SH3RF2: variants seen among roughly 807,000 people sequenced by gnomAD.
SH3RF2 encodes the protein SH3 domain containing ring finger 2.
Under a neutral mutation model 59.0 loss-of-function variants are expected in SH3RF2, and 43 were observed. The observed-to-expected ratio is 0.73, with a 90% confidence interval of 0.57 to 0.94. The LOEUF (loss-of-function observed/expected upper bound fraction) is 0.94. SH3RF2 is among the 40% of genes least tolerant of loss of function. The probability of loss-of-function intolerance (pLI) is 0.00; values close to 1 mark genes in which losing one functional copy is unlikely to be tolerated. For synonymous variants in SH3RF2, 391 were observed against 391.5 expected, an observed-to-expected ratio of 1.00 and a Z score of 0.01; for missense variants, 930 against 940.1, an observed-to-expected ratio of 0.99 and a Z score of 0.14.
intron 9 of SH3RF2, among the ~76,000 whole-genome samples, chr5:146,075,777 G>A (rs1296462619): frequency 1.8e-5 from 1 of 55,374 alleles, no homozygotes; most frequent in African/African-American, 7.5e-5. Context: ...GAAATTCCAT[G>A]TAAAAAAAAA....
In SH3RF2 at chr5:146,056,232, G is replaced by A. The variant is rs1440068626; in HGVS notation, c.1555+19G>A. The A allele has an allele frequency of 6.2e-7, 1 of 1,614,010 alleles. No individual in the cohort carries two copies. Among genetic ancestry groups the A allele is most frequent in the East Asian group, 2.2e-5 (1 of 44,904 alleles). On this transcript the variant is annotated intron_variant, in intron 8 of 9. Coordinates refer to ENST00000359120, the MANE Select transcript of SH3RF2 (RefSeq NM_152550.4). ...AGAAAGAGTAAGTGGTGGCAGAGAGGTACGTGCCTAGAGCTAAGTGATGGG... is the reference window on the plus strand; with the variant it reads ...AGAAAGAGTAAGTGGTGGCAGAGAGATACGTGCCTAGAGCTAAGTGATGGG...
chr5:145,978,509 ATACT>A (rs1358186896), intron 2 of SH3RF2, among the ~76,000 whole-genome samples: 4 of 152,202 alleles, frequency 2.6e-5, no homozygotes, highest in African/African-American at 9.7e-5. Flanking sequence ...GAAAAATGAA[ATACT>A]TAAGTTAGAA....
At position 145,938,244 on chromosome 5, in the gene SH3RF2, C is replaced by G. The variant is rs749544058; in HGVS notation, c.316C>G (p.Pro106Ala). ...LQDGRKSRTN[P>A]RRLQASPFRL... is the part of the protein sequence containing the mutation. ...GGATGGCAGGAAAAGCAGGACCAAC[C>G]CCAGACGTCTGCAGGCCAGTCCTTT... Residue 106 changes from proline (P) to alanine (A), a missense_variant, in exon 2 of 10, where the codon CCC (proline) becomes GCC (alanine). By Grantham distance (27) the Pro-to-Ala change is conservative (BLOSUM62 -1). Transcript: ENST00000359120. The G allele has an allele frequency of 2.5e-6, 4 of 1,608,450 alleles. No homozygotes were observed. Among genetic ancestry groups the G allele is most frequent in the Non-Finnish European group, 3.4e-6 (4 of 1,179,112 alleles).
At chr5:145,957,510 A>T (rs1758461203) in intron 2 of SH3RF2, among the ~76,000 whole-genome samples, 1 of 152,162 alleles carries the variant, frequency 6.6e-6, no homozygotes, top group Non-Finnish European at 1.5e-5. Context: ...AAAACCCAGC[A>T]TGCTAAGCAC....
intron 2 of SH3RF2, among the ~76,000 whole-genome samples, chr5:145,994,546 G>A (rs531475673): frequency 6.6e-6 from 1 of 152,300 alleles, no homozygotes; most frequent in South Asian, 2.1e-4. Context: ...TTCTTACATG[G>A]CAGCAGCCAG....
At chr5:145,953,591 T>G (rs1036066855) in intron 2 of SH3RF2, among the ~76,000 whole-genome samples, 2 of 152,204 alleles carry the variant, frequency 1.3e-5, no homozygotes, top group African/African-American at 2.4e-5. Flanking sequence ...GGGGTACATG[T>G]GAAGGTTTGT....
chr5:146,073,481 C>T (rs1171542951), intron 9 of SH3RF2, among the ~76,000 whole-genome samples: 3 of 152,222 alleles, frequency 2.0e-5, no homozygotes, highest in Non-Finnish European at 4.4e-5. Flanking sequence ...TGCCAATTAA[C>T]AGAAATTAAA....
At chr5:145,951,216 A>C (rs1023230425) in intron 2 of SH3RF2, among the ~76,000 whole-genome samples, 3 of 152,236 alleles carry the variant, frequency 2.0e-5, no homozygotes, top group Non-Finnish European at 2.9e-5. Context: ...ACTTGTTTAC[A>C]GATAAGAGGC....
At chr5:145,943,722 G>A (rs1444623947) in intron 2 of SH3RF2, among the ~76,000 whole-genome samples, 1 of 151,498 alleles carries the variant, frequency 6.6e-6, no homozygotes, top group Non-Finnish European at 1.5e-5. Flanking sequence ...TTTTGTTTTT[G>A]TTTTATCAGT....
At chr5:146,032,725 G>T (rs1408277107) in intron 5 of SH3RF2, among the ~76,000 whole-genome samples, 1 of 152,166 alleles carries the variant, frequency 6.6e-6, no homozygotes, top group East Asian at 1.9e-4. Flanking sequence ...AGACAAGTGT[G>T]CCCATAAATC....
intron 5 of SH3RF2, among the ~76,000 whole-genome samples, chr5:146,017,565 C>T (rs182297214): frequency 5.3e-5 from 8 of 152,218 alleles, no homozygotes; most frequent in Admixed American, 1.3e-4. Context: ...ACTGCCAATC[C>T]TTCATCCCTA....
At chr5:146,067,569 C>T (rs577181314), downstream of SH3RF2, among the ~76,000 whole-genome samples, 8 of 152,280 alleles carry the variant, frequency 5.3e-5, no homozygotes, top group East Asian at 1.9e-4. Flanking sequence ...AGTTTGAAGG[C>T]GGGTTCTGGG....
intron 4 of SH3RF2, among the ~76,000 whole-genome samples, chr5:146,005,134 A>C (rs1425352361): frequency 6.6e-6 from 1 of 152,092 alleles, no homozygotes; most frequent in Non-Finnish European, 1.5e-5. Context: ...GCATATATTT[A>C]TTACTTCTGT....
chr5:145,977,325 C>T (rs760755386), intron 2 of SH3RF2, among the ~76,000 whole-genome samples: 6 of 152,206 alleles, frequency 3.9e-5, no homozygotes, highest in Non-Finnish European at 8.8e-5. Flanking sequence ...AGTCACTGAA[C>T]ACCAATCATA....
intron 2 of SH3RF2, among the ~76,000 whole-genome samples, chr5:145,958,386 T>C (rs1758498533): frequency 2.0e-5 from 3 of 152,148 alleles, no homozygotes; most frequent in South Asian, 4.1e-4. Flanking sequence ...AGGAGTTGGT[T>C]CAGGGGACTC....
chr5:146,075,850 GT>G (rs1204379352), intron 9 of SH3RF2, among the ~76,000 whole-genome samples: 4 of 148,504 alleles, frequency 2.7e-5, no homozygotes, highest in African/African-American at 9.9e-5. Flanking sequence ...TTTTGGTGAT[GT>G]TTTTGTTTTT....
At chr5:145,990,435 T>G (rs936520176) in intron 2 of SH3RF2, among the ~76,000 whole-genome samples, 1 of 152,214 alleles carries the variant, frequency 6.6e-6, no homozygotes, top group African/African-American at 2.4e-5. Context: ...ATCACTGTGC[T>G]GAGGGTTTGG....
intron 5 of SH3RF2, chr5:146,043,927 G>A (rs1039395288): frequency 3.3e-5 from 5 of 152,128 alleles, no homozygotes; most frequent in African/African-American, 4.8e-5. Flanking sequence ...TCGTGTACAG[G>A]TCCTTCTATG....
At chr5:145,992,593 A>C (rs1254028385) in intron 2 of SH3RF2, among the ~76,000 whole-genome samples, 1 of 152,216 alleles carries the variant, frequency 6.6e-6, no homozygotes, top group Non-Finnish European at 1.5e-5. Flanking sequence ...CCTCACAATC[A>C]TGGCAGAAGG....
Sources: allele counts gnomAD v4.1 joint callset (sites outside exome capture counted in the v4.1 genomes callset), GRCh38; gene constraint gnomAD v4.1.1; transcripts MANE v1.5; gene names NCBI Gene and HGNC (gene_info 2026-07-23, HGNC 2026-07-21).